The following DEPTOR variants were observed in gnomAD, a reference collection of about 807,000 sequenced individuals.
DEPTOR encodes the protein DEP domain containing MTOR interacting protein, also known as DEP domain-containing mTOR-interacting protein.
Under a neutral mutation model 41.6 loss-of-function variants are expected in DEPTOR, and 41 were observed. The ratio of observed to expected loss-of-function variants is 0.98; its 90% CI spans 0.77 to 1.28. The LOEUF is 1.28. DEPTOR is among the 50% of genes most tolerant of loss of function. The probability of loss-of-function intolerance (pLI) is 0.00; values close to 1 mark genes in which losing one functional copy is unlikely to be tolerated. For missense variants in DEPTOR, 514 were observed against 527.9 expected, an observed-to-expected ratio of 0.97 and a Z score of 0.26; for synonymous variants, 195 against 192.3, an observed-to-expected ratio of 1.01 and a Z score of -0.12.
chr8:119,992,525 G>A (rs547832129), intron 4 of DEPTOR, among the ~76,000 whole-genome samples: 1 of 152,108 alleles, frequency 6.6e-6, no homozygotes, highest in South Asian at 2.1e-4. Context: ...TCCCTATATG[G>A]TGCTATCGTA....
chr8:120,049,903 T>G lies in DEPTOR; in HGVS notation c.*199T>G. ...TCATATCTTTTTTAAAAAATGTCAG[T>G]GTAGAAAACATTTGGGAAACCATTT... On this transcript the variant is annotated 3_prime_UTR_variant, in exon 9 of 9. Coordinates refer to ENST00000286234, the MANE Select transcript of DEPTOR (RefSeq NM_022783.4). 6 of 533,404 alleles carry G rather than the reference T, an allele frequency of 1.1e-5. No homozygotes were observed. The highest frequency in any genetic ancestry group is 5.8e-6 in the Non-Finnish European group (2 of 342,796). The allele number at this position is 533,404 out of a possible 1,614,324, so 33.0% of individuals were successfully genotyped here.
chr8:119,978,171 G>C (rs774934661), intron 4 of DEPTOR, among the ~76,000 whole-genome samples: 39 of 152,140 alleles, frequency 2.6e-4, no homozygotes, highest in Non-Finnish European at 5.0e-4. Flanking sequence ...GCCCAAGCAT[G>C]ATCTTTTACA....
At chr8:119,919,469 A>T (rs1434721016) in intron 1 of DEPTOR, among the ~76,000 whole-genome samples, 1 of 152,104 alleles carries the variant, frequency 6.6e-6, no homozygotes, top group Non-Finnish European at 1.5e-5. Flanking sequence ...TACTGTGAGG[A>T]TATATTATTT....
At chr8:119,918,916 T>C (rs1199814567) in intron 1 of DEPTOR, among the ~76,000 whole-genome samples, 1 of 149,496 alleles carries the variant, frequency 6.7e-6, no homozygotes, top group Non-Finnish European at 1.5e-5. Flanking sequence ...ATGAAGTGGT[T>C]ACTGCAGCTA....
At chr8:119,901,894 A>G (rs960146388) in intron 1 of DEPTOR, among the ~76,000 whole-genome samples, 2 of 151,522 alleles carry the variant, frequency 1.3e-5, no homozygotes, top group East Asian at 1.9e-4. Context: ...TCCTTTCCTT[A>G]TTTTATTTTA....
intron 8 of DEPTOR, among the ~76,000 whole-genome samples, chr8:120,042,879 TC>T (rs1274593052): frequency 2.6e-5 from 4 of 152,018 alleles, no homozygotes; most frequent in Non-Finnish European, 5.9e-5. Context: ...AGGCAGAGTG[TC>T]ACTCTGTTGC....
intron 1 of DEPTOR, among the ~76,000 whole-genome samples, chr8:119,910,905 G>A (rs1372286954): frequency 6.6e-6 from 1 of 152,184 alleles, no homozygotes; most frequent in Non-Finnish European, 1.5e-5. Flanking sequence ...ATGTGGAGTG[G>A]TTTGGGATCA....
chr8:119,940,694 C>A (rs1032003948), intron 3 of DEPTOR, among the ~76,000 whole-genome samples: 1 of 152,126 alleles, frequency 6.6e-6, no homozygotes, highest in Non-Finnish European at 1.5e-5. Flanking sequence ...GAGCCGAAAT[C>A]GCGCCATTGC....
intron 1 of DEPTOR, among the ~76,000 whole-genome samples, chr8:119,915,062 G>A (rs555578736): frequency 6.6e-6 from 1 of 152,072 alleles, no homozygotes; most frequent in Non-Finnish European, 1.5e-5. Context: ...TGCCTCCTGG[G>A]TTTAAGCAAT....
chr8:120,007,376 A>G (rs917088108), intron 7 of DEPTOR, among the ~76,000 whole-genome samples: 11 of 152,108 alleles, frequency 7.2e-5, no homozygotes, highest in African/African-American at 2.7e-4. Context: ...AAACTTTTCT[A>G]CCGTAGGCAG....
chr8:119,976,394 T>C (rs1828697019), intron 4 of DEPTOR, among the ~76,000 whole-genome samples: 1 of 152,112 alleles, frequency 6.6e-6, no homozygotes. Context: ...ACGATATATA[T>C]ATATCGTATC....
intron 4 of DEPTOR, among the ~76,000 whole-genome samples, chr8:119,973,164 C>T (rs556760199): frequency 1.3e-5 from 2 of 152,010 alleles, no homozygotes; most frequent in East Asian, 3.9e-4. Context: ...CTCTCGAACT[C>T]CCGACCTCAG....
intron 4 of DEPTOR, among the ~76,000 whole-genome samples, chr8:119,990,608 G>T (rs1002528287): frequency 3.9e-5 from 6 of 152,198 alleles, no homozygotes; most frequent in African/African-American, 1.2e-4. Context: ...CTTTACTAAA[G>T]TTACTTTGAA....
chr8:120,009,767 T>C (rs904745772), intron 8 of DEPTOR, among the ~76,000 whole-genome samples: 1 of 152,178 alleles, frequency 6.6e-6, no homozygotes, highest in African/African-American at 2.4e-5. Context: ...TTTCCCTTTC[T>C]GAATGGGGTT....
At chr8:119,912,500 G>A (rs772825855) in intron 1 of DEPTOR, among the ~76,000 whole-genome samples, 7 of 152,206 alleles carry the variant, frequency 4.6e-5, no homozygotes, top group South Asian at 2.1e-4. Context: ...AGCTGCCTCC[G>A]CGATAGCTGC....
At chr8:120,008,488 A>T (rs1812480369) in intron 7 of DEPTOR, among the ~76,000 whole-genome samples, 1 of 143,624 alleles carries the variant, frequency 7.0e-6, no homozygotes, top group Non-Finnish European at 1.5e-5. Flanking sequence ...AGATTGCACT[A>T]CTGCACTCCA....
chr8:119,913,087 A>C (rs1827765649), intron 1 of DEPTOR, among the ~76,000 whole-genome samples: 1 of 151,910 alleles, frequency 6.6e-6, no homozygotes, highest in South Asian at 2.1e-4. Context: ...CACCCAGTTA[A>C]TTTTTGTATT....
intron 1 of DEPTOR, among the ~76,000 whole-genome samples, chr8:119,879,775 C>T (rs1382379432): frequency 8.1e-5 from 12 of 148,206 alleles, no homozygotes; most frequent in Admixed American, 3.4e-4. Flanking sequence ...TTTGGGAGGC[C>T]GAGGTGGGTG....
intron 1 of DEPTOR, among the ~76,000 whole-genome samples, chr8:119,898,866 G>A (rs1827553288): frequency 6.6e-6 from 1 of 152,024 alleles, no homozygotes; most frequent in Admixed American, 6.6e-5. Flanking sequence ...TTTCCCCTCA[G>A]CATAGATGCC....
Sources: allele counts gnomAD v4.1 joint callset (sites outside exome capture counted in the v4.1 genomes callset), GRCh38; gene constraint gnomAD v4.1.1; transcripts MANE v1.5; gene names NCBI Gene and HGNC (gene_info 2026-07-23, HGNC 2026-07-21).